Variants in EDRF1 observed in about 807,000 individuals in gnomAD.
EDRF1 encodes the protein erythroid differentiation regulatory factor 1, also known as erythroid differentiation-related factor 1.
EDRF1 carries 69 observed loss-of-function variants against 148.7 expected under a neutral mutation model. The observed-to-expected ratio is 0.46, with a 90% confidence interval of 0.38 to 0.57. The LOEUF is 0.57. Among genes scored for constraint, EDRF1 ranks in the 20% least tolerant of loss-of-function variants. The probability of loss-of-function intolerance (pLI) is 0.00; values close to 1 mark genes in which losing one functional copy is unlikely to be tolerated. For synonymous variants in EDRF1, 515 were observed against 532.8 expected, an observed-to-expected ratio of 0.97 and a Z score of 0.46; for missense variants, 1,118 against 1,478.7, an observed-to-expected ratio of 0.76 and a Z score of 4.00.
At position 125,763,055 on chromosome 10, in the gene EDRF1, A is replaced by G. The variant is rs552968046; in HGVS notation, c.3546-246A>G. On this transcript the variant is annotated intron_variant, in intron 24 of 24. Transcript: ENST00000356792. This position sits in a 1 kb window ranked among gnomAD's most constrained non-coding sequence, Gnocchi z 4.3. The stretch of plus-strand genomic sequence containing the variant: ...CTGTCAAGAGCAATTCCTAGTACAT[A>G]ATAGGCATTCAAATATTTATAAAAG... Among the ~76,000 whole-genome samples the G allele has an allele frequency of 6.6e-6, 1 of 152,274 alleles. No individual in the cohort carries two copies. The highest frequency in any genetic ancestry group is 1.5e-5 in the Non-Finnish European group (1 of 68,030).
rs1294803430 is a variant in EDRF1 at position 125,742,600 on chromosome 10, G to A, written c.2372-458G>A. The A allele has an allele frequency of 4.1e-6, 4 of 985,208 alleles. No homozygotes were observed. In the East Asian group the frequency reaches 3.4e-4, roughly 84 times the overall value. 61.0% of individuals were successfully genotyped at this position (985,208 alleles called of 1,614,324 possible). On this transcript the variant is annotated intron_variant, in intron 17 of 24. Coordinates refer to ENST00000356792, the MANE Select transcript of EDRF1 (RefSeq NM_001202438.2). ...TACTACTCCCATCATAGCAATTTCA[G>A]TTAAATATTCTTTTTACTCTAGTCC...
chr10:125,730,301 C>T lies in EDRF1; in HGVS notation c.1030C>T (p.Pro344Ser). The change falls in exon 9 of 25, where the codon CCA becomes TCA. Residue 344 changes from proline (P) to serine (S), a missense_variant. This residue lies in a region of EDRF1 where 954 missense variants were observed against 1,241.4 expected (regional missense o/e 0.77). Transcript: ENST00000356792. The part of the protein sequence containing the change: ...VSLRLRDNNK[P>S]INVLTGIDYW... ...GTATATTTTTAGGGATAACAACAAA[C>T]CAATTAATGTGCTAACTGGAATTGA... is the stretch of plus-strand genomic sequence containing the variant. The T allele has an allele frequency of 6.2e-7, 1 of 1,613,222 alleles. No individual in the cohort carries two copies. The highest frequency in any genetic ancestry group is 8.5e-7 in the Non-Finnish European group (1 of 1,179,248).
In EDRF1 at chr10:125,725,871, C is replaced by T. The variant is rs76177350; in HGVS notation, c.792+33C>T. On this transcript the variant is annotated intron_variant, in intron 6 of 24. Transcript: ENST00000356792. ...CTTAAATGCTAATTCTAGAAACTCA[C>T]ATAGGAAAACAAAGCCTTTTTTAAC... The T allele has an allele frequency of 2.6e-3, 4,214 of 1,595,490 alleles. 107 individuals carry two copies. In the African/African-American group the frequency reaches 0.05, roughly 19 times the overall value.
At chr10:125,742,695 GGGACA>G in intron 17 of EDRF1, 2 of 984,664 alleles carry the variant, frequency 2.0e-6, no homozygotes, top group Non-Finnish European at 2.4e-6. Context: ...AGTTAATATT[GGGACA>G]TTATTTCAAG....
At chr10:125,727,483 T>C (rs546930319) in intron 6 of EDRF1, among the ~76,000 whole-genome samples, 1 of 152,328 alleles carries the variant, frequency 6.6e-6, no homozygotes, top group Admixed American at 6.5e-5. Flanking sequence ...ATTGAGAACG[T>C]TGTAACCTAG....
At chr10:125,723,968 A>G (rs777075551) in intron 4 of EDRF1, 32 bp downstream of exon 4, 13 of 1,611,184 alleles carry the variant, frequency 8.1e-6, no homozygotes, top group Non-Finnish European at 1.1e-5. Context: ...CCAACAAAAC[A>G]TTAACAGCTT....
chr10:125,749,720 CAT>C, intron 22 of EDRF1, 155 bp downstream of exon 22: 2 of 854,710 alleles, frequency 2.3e-6, no homozygotes, highest in South Asian at 3.0e-5. Context: ...GAAATCACTA[CAT>C]GTTTTGAAGT....
Position 125,735,807 on chromosome 10 carries a change from G to A in EDRF1, c.1661G>A (p.Ser554Asn), listed in dbSNP as rs773952707. The A allele has an allele frequency of 1.9e-6, 3 of 1,613,586 alleles. No homozygotes were observed. The African/African-American group carries it at 4.0e-5, about 22-fold the overall frequency. ...DSDENGSYST[S>N]SDPSDDSKAV... ...GATGAAAATGGATCCTATAGCACCAGCTCTGATCCATCAGATGATAGCAAA... is the reference window on the plus strand; with the variant it reads ...GATGAAAATGGATCCTATAGCACCAACTCTGATCCATCAGATGATAGCAAA... Residue 554 changes from serine to asparagine, a missense_variant, in exon 13 of 25, where the codon AGC becomes AAC. Coordinates refer to ENST00000356792, the MANE Select transcript of EDRF1 (RefSeq NM_001202438.2).
chr10:125,735,703 G>A lies in EDRF1; in HGVS notation c.1557G>A (p.Lys519=), dbSNP rs780503363. Residue 519 remains lysine, a synonymous_variant, in exon 13 of 25, where the codon AAG becomes AAA. Transcript: ENST00000356792. ...TTTTTCAATTGGATGAACCTAAAAA[G>A]GAAGAAAATTCAGAATCTCCTTTAA... ...SELFQLDEPK[K]EENSESPLNE... is the part of the protein sequence containing the mutation. 3 of 1,613,456 alleles carry A rather than the reference G, an allele frequency of 1.9e-6. No homozygotes were observed. Among genetic ancestry groups the A allele is most frequent in the Non-Finnish European group, 1.7e-6 (2 of 1,179,578 alleles).
At chr10:125,753,012 T>A in intron 23 of EDRF1, 98 bp downstream of exon 23, 1 of 800,158 alleles carries the variant, frequency 1.2e-6, no homozygotes, top group Non-Finnish European at 2.2e-6. Context: ...TGGGTATATA[T>A]ACACACATGT....
Position 125,745,814 on chromosome 10 carries a change from G to T in EDRF1, c.2698G>T (p.Ala900Ser). ...ATCAATTGAGGATGCCACCAATGCC[G>T]CCCTTTTATTATGTAACACGGGAAG... is the stretch of plus-strand genomic sequence containing the variant. ...FESIEDATNAALLLCNTGRLM... is the reference protein window; with the variant it reads ...FESIEDATNASLLLCNTGRLM... Residue 900 changes from alanine to serine, a missense_variant, in exon 19 of 25, where the codon GCC becomes TCC. Physicochemically the swap from Ala to Ser is moderately conservative, Grantham distance 99. This residue lies in a region of EDRF1 where 954 missense variants were observed against 1,241.4 expected (regional missense o/e 0.77). Coordinates refer to ENST00000356792, the MANE Select transcript of EDRF1 (RefSeq NM_001202438.2). 6.2e-7 allele frequency: 1 copy of T among 1,614,216 alleles called. No homozygotes were observed. Among genetic ancestry groups the T allele is most frequent in the Non-Finnish European group, 8.5e-7 (1 of 1,180,038 alleles).
intron 9 of EDRF1, chr10:125,731,937 A>G (rs1443613343): frequency 8.9e-6 from 4 of 447,778 alleles, no homozygotes; most frequent in Non-Finnish European, 1.8e-5. Flanking sequence ...TGAGTTGCCC[A>G]GGGTCAACTT....
At chr10:125,752,212 C>T (rs950180005) in intron 22 of EDRF1, 1 of 153,768 alleles carries the variant, frequency 6.5e-6, no homozygotes, top group Non-Finnish European at 1.4e-5. Context: ...TAGTGGTTAC[C>T]TTCTGGGAGC....
intron 13 of EDRF1, 117 bp downstream of exon 13, chr10:125,736,021 A>G (rs766402460): frequency 2.0e-6 from 2 of 998,348 alleles, no homozygotes; most frequent in Admixed American, 2.4e-5. Flanking sequence ...TCTAGCATCT[A>G]GTAATCATTA....
At chr10:125,746,882 G>A (rs1849383996) in intron 19 of EDRF1, 2 of 152,428 alleles carry the variant, frequency 1.3e-5, no homozygotes, top group South Asian at 2.1e-4. Context: ...CACACCCACT[G>A]TTGGAGAGGG....
chr10:125,728,054 T>C (rs781106251), intron 6 of EDRF1, among the ~76,000 whole-genome samples: 2 of 151,702 alleles, frequency 1.3e-5, no homozygotes, highest in Non-Finnish European at 2.9e-5. Context: ...AAAAAAAAAT[T>C]AGCCGGGCAT....
At chr10:125,725,137 T>G (rs1848192154) in intron 4 of EDRF1, among the ~76,000 whole-genome samples, 181 bp from the exon 5 acceptor site, 1 of 152,194 alleles carries the variant, frequency 6.6e-6, no homozygotes, top group Non-Finnish European at 1.5e-5. Flanking sequence ...ACGGGTTTCC[T>G]TTAGGAAACA....
intron 15 of EDRF1, among the ~76,000 whole-genome samples, chr10:125,739,668 T>G (rs1848914859): frequency 6.6e-6 from 1 of 152,242 alleles, no homozygotes; most frequent in Non-Finnish European, 1.5e-5. Flanking sequence ...CTTGAAAGAC[T>G]TGTGTTCTAG....
At position 125,733,349 on chromosome 10, in the gene EDRF1, T is replaced by A. The variant is rs538178436; in HGVS notation, c.1129-55T>A. 3 of 1,394,410 alleles carry A rather than the reference T, an allele frequency of 2.2e-6. No homozygotes were observed. The Admixed American group carries it at 6.2e-5, about 29-fold the overall frequency. 86.4% of individuals were successfully genotyped at this position (1,394,410 alleles called of 1,614,324 possible). A position where few individuals can be genotyped will look rare whatever the true frequency, so the allele number is the denominator to read the frequency against. On this transcript the variant is annotated intron_variant, in intron 9 of 24. Transcript: ENST00000356792. The stretch of plus-strand genomic sequence containing the variant: ...TTTGGTTGCTTTTTAAAAAGAAAGG[T>A]GTTGTTTCCTTGGGTTTTCTCTTAA...
Sources: allele counts gnomAD v4.1 joint callset (sites outside exome capture counted in the v4.1 genomes callset), GRCh38; gene constraint gnomAD v4.1.1; regional missense constraint gnomAD v4.1.1; non-coding constraint Gnocchi (gnomAD v3.1); transcripts MANE v1.5; gene names NCBI Gene and HGNC (gene_info 2026-07-23, HGNC 2026-07-21).